Variants in PLEKHA5 observed in about 807,000 individuals in gnomAD.
PLEKHA5 encodes pleckstrin homology domain-containing family A member 5.
A neutral mutation model predicts 181.9 loss-of-function variants in PLEKHA5; 55 were observed. That is an observed-to-expected ratio of 0.30 (90% CI 0.24 to 0.38). The LOEUF is 0.38. Ranked by LOEUF, PLEKHA5 falls within the 10% of genes least tolerant of loss-of-function variation. PLEKHA5 has a pLI of 1.00. For missense variants in PLEKHA5, 1,432 were observed against 1,549.5 expected (o/e 0.92, Z 1.27); for synonymous variants, 535 against 529.4 (o/e 1.01, Z -0.15).
chr12:19,314,620 G>T (rs2087851508), intron 15 of PLEKHA5, 194 bp from the exon 16 acceptor site: 1 of 545,510 alleles, frequency 1.8e-6, no homozygotes, highest in Admixed American at 2.7e-5. Context: ...TTTTTTCTTG[G>T]AAGTATTTCA....
chr12:19,321,844 T>A (rs569430306), intron 18 of PLEKHA5, among the ~76,000 whole-genome samples: 4 of 152,288 alleles, frequency 2.6e-5, no homozygotes, highest in Non-Finnish European at 5.9e-5. Flanking sequence ...TTGTCCAGTG[T>A]TTTCATTTTG....
At chr12:19,263,617 C>T (rs1334013306) in intron 7 of PLEKHA5, among the ~76,000 whole-genome samples, 2 of 152,022 alleles carry the variant, frequency 1.3e-5, no homozygotes, top group African/African-American at 4.8e-5. Flanking sequence ...AAAGATATTC[C>T]CAAATATCTT....
chr12:19,226,508 C>T (rs1033308324), intron 3 of PLEKHA5, among the ~76,000 whole-genome samples: 5 of 152,082 alleles, frequency 3.3e-5, no homozygotes, highest in African/African-American at 1.2e-4. Flanking sequence ...ACTTTTTGAG[C>T]TAAACTGTTT....
intron 3 of PLEKHA5, among the ~76,000 whole-genome samples, chr12:19,159,398 G>A (rs1023811766): frequency 3.9e-5 from 6 of 152,086 alleles, no homozygotes; most frequent in African/African-American, 9.7e-5. Context: ...ATTTTTAAAA[G>A]TAGTTACCCA....
Position 19,170,815 on chromosome 12 carries a change from C to T in PLEKHA5, c.227+38365C>T, listed in dbSNP as rs559611468. On this transcript the variant is annotated intron_variant, in intron 3 of 31. Coordinates refer to ENST00000429027, the MANE Select transcript of PLEKHA5 (RefSeq NM_001256470.2). The stretch of plus-strand genomic sequence containing the variant: ...CTGTCTTTTCTTACATACTTTGGTT[C>T]AAAGTAAGCAGCCTTCCTGGCTGAG... Among the ~76,000 whole-genome samples, 4 of 152,282 alleles carry T rather than the reference C, an allele frequency of 2.6e-5. No individual in the cohort carries two copies. In the South Asian group the frequency reaches 8.3e-4, roughly 32 times the overall value.
intron 5 of PLEKHA5, among the ~76,000 whole-genome samples, chr12:19,256,477 T>C (rs1411733296): frequency 3.9e-5 from 6 of 152,230 alleles, no homozygotes; most frequent in Non-Finnish European, 5.9e-5. Flanking sequence ...AGCTGGGTGC[T>C]GGAGCCCAAG....
At chr12:19,268,266 T>C (rs2071237770) in intron 8 of PLEKHA5, among the ~76,000 whole-genome samples, 1 of 152,224 alleles carries the variant, frequency 6.6e-6, no homozygotes, top group African/African-American at 2.4e-5. Context: ...TTAGCACTAT[T>C]ATTAGGCCAT....
intron 3 of PLEKHA5, among the ~76,000 whole-genome samples, chr12:19,198,662 G>A (rs2053507147): frequency 6.6e-6 from 1 of 152,114 alleles, no homozygotes; most frequent in Non-Finnish European, 1.5e-5. Flanking sequence ...GAATGATTGT[G>A]TGAATGAACA....
At chr12:19,363,217 C>T (rs571340897) in intron 29 of PLEKHA5, among the ~76,000 whole-genome samples, 16 of 151,656 alleles carry the variant, frequency 1.1e-4, no homozygotes, top group African/African-American at 2.4e-4. Context: ...CCACTGCACT[C>T]GGTTCCCGGA....
intron 3 of PLEKHA5, among the ~76,000 whole-genome samples, chr12:19,199,301 G>A (rs768290866): frequency 1.5e-4 from 23 of 152,014 alleles, no homozygotes; most frequent in Non-Finnish European, 2.6e-4. Flanking sequence ...AATGCCTTCT[G>A]TAGATATATC....
chr12:19,283,669 A>G lies in PLEKHA5; in HGVS notation c.1703A>G (p.Tyr568Cys), dbSNP rs1265133489. 6.2e-7 allele frequency: 1 copy of G among 1,614,142 alleles called. No individual in the cohort carries two copies. The highest frequency in any genetic ancestry group is 1.1e-5 in the South Asian group (1 of 91,076). Residue 568 changes from tyrosine (Y) to cysteine (C), a missense_variant, in exon 12 of 32, where the codon TAC (tyrosine) becomes TGC (cysteine). By Grantham distance (194) the Tyr-to-Cys change is radical (BLOSUM62 -2). Transcript: ENST00000429027. ...AYQGYSPQRT[Y>C]RSEVSSPIQR... ...CAGGGATACTCCCCTCAACGAACTT[A>G]CAGATCGGAAGTGTCTTCACCAATT... is the stretch of plus-strand genomic sequence containing the variant.
At chr12:19,295,463 G>T (rs575916719) in intron 15 of PLEKHA5, among the ~76,000 whole-genome samples, 1 of 152,262 alleles carries the variant, frequency 6.6e-6, no homozygotes, top group African/African-American at 2.4e-5. Context: ...AGTTAAAGTG[G>T]GGTCTCCTCC....
At chr12:19,340,920 G>C (rs1393211810) in intron 21 of PLEKHA5, among the ~76,000 whole-genome samples, 3 of 142,116 alleles carry the variant, frequency 2.1e-5, no homozygotes, top group Non-Finnish European at 4.6e-5. Flanking sequence ...ATCCCCCTCT[G>C]CGAGAAACAC....
At chr12:19,322,802 G>T in intron 20 of PLEKHA5, 135 bp downstream of exon 20, 1 of 602,112 alleles carries the variant, frequency 1.7e-6, no homozygotes, top group Admixed American at 3.1e-5. Context: ...TTTGTTATTA[G>T]TGTGCTTCTG....
At chr12:19,290,638 G>C in intron 13 of PLEKHA5, 39 bp from the exon 14 acceptor site, 2 of 1,503,430 alleles carry the variant, frequency 1.3e-6, no homozygotes, top group Admixed American at 2.1e-5. Context: ...CAATTAATCT[G>C]TTTTCCACTG....
rs1160071328 is a variant in PLEKHA5 at position 19,265,695 on chromosome 12, A to T, written c.611-55A>T. ...ATTTGGCAAAAATAGATCTTGAAAA[A>T]CTTTGCTTCATAAGAACATTTAAAA... On this transcript the variant is annotated intron_variant, in intron 7 of 31. Coordinates refer to ENST00000429027, the MANE Select transcript of PLEKHA5 (RefSeq NM_001256470.2). 10 of 997,668 alleles carry T rather than the reference A, an allele frequency of 1.0e-5. No individual in the cohort carries two copies. In the Admixed American group the frequency reaches 1.8e-4, roughly 18 times the overall value. 61.8% of individuals were successfully genotyped at this position (997,668 alleles called of 1,614,324 possible). A position where few individuals can be genotyped will look rare whatever the true frequency, so the allele number is the denominator to read the frequency against.
intron 3 of PLEKHA5, among the ~76,000 whole-genome samples, chr12:19,184,400 A>G (rs2049337531): frequency 6.6e-6 from 1 of 152,250 alleles, no homozygotes; most frequent in South Asian, 2.1e-4. Context: ...CTTTTTATGT[A>G]CTGGCTATTT....
intron 11 of PLEKHA5, among the ~76,000 whole-genome samples, chr12:19,280,740 T>C (rs1284734435): frequency 6.6e-6 from 1 of 151,856 alleles, no homozygotes; most frequent in African/African-American, 2.4e-5. Context: ...TTTTTCTTTT[T>C]TTTTTTTTGA....
rs1341838971 is a variant in PLEKHA5 at position 19,196,173 on chromosome 12, TATC to T, written c.228-57763_228-57761del. On this transcript the variant is annotated intron_variant, in intron 3 of 31. Coordinates refer to ENST00000429027, the MANE Select transcript of PLEKHA5 (RefSeq NM_001256470.2). ...TCTTTTCTAAACTTTTTGAAAAATC[TATC>T]ATCTTCCTTTCTCAGTTGTCAACAA... 4.6e-5 allele frequency among the ~76,000 whole-genome samples: 7 copies of T among 152,340 alleles called. No individual in the cohort carries two copies. In the East Asian group the frequency reaches 9.6e-4, roughly 21 times the overall value.
Sources: gnomAD v4.1 joint callset for allele counts (sites outside exome capture counted in the v4.1 genomes callset) on GRCh38, gnomAD v4.1.1 for gene constraint, MANE v1.5 for transcripts, NCBI Gene and HGNC (gene_info 2026-07-23, HGNC 2026-07-21) for gene names.